The following ZP3 variants were observed in gnomAD, a reference collection of about 807,000 sequenced individuals.
ZP3 encodes the protein zona pellucida sperm-binding protein 3.
ZP3 carries 21 observed loss-of-function variants against 35.6 expected under a neutral mutation model. That is an observed-to-expected ratio of 0.59 (90% confidence interval 0.42 to 0.85). The LOEUF (loss-of-function observed/expected upper bound fraction) is 0.85. Ranked by LOEUF, ZP3 falls within the 40% of genes least tolerant of loss-of-function variation. The probability of loss-of-function intolerance (pLI) is 0.00; values close to 1 mark genes in which losing one functional copy is unlikely to be tolerated. For synonymous variants in ZP3, 207 were observed against 214.5 expected (o/e 0.96, Z 0.31); for missense variants, 437 against 536.5 (o/e 0.81, Z 1.83).
intron 1 of ZP3, among the ~76,000 whole-genome samples, chr7:76,419,237 G>A (rs1379736680): frequency 1.3e-5 from 2 of 152,116 alleles, no homozygotes; most frequent in African/African-American, 2.4e-5. Context: ...TTTTTGGAGG[G>A]TAGGGTCTTA....
intron 1 of ZP3, among the ~76,000 whole-genome samples, chr7:76,414,071 G>A (rs1446024816): frequency 6.8e-6 from 1 of 148,060 alleles, no homozygotes; most frequent in African/African-American, 2.5e-5. Flanking sequence ...ATCTCAGCTC[G>A]CTGCAACCTC....
At chr7:76,435,243 C>G (rs1215014401) in intron 5 of ZP3, among the ~76,000 whole-genome samples, 1 of 152,264 alleles carries the variant, frequency 6.6e-6, no homozygotes, top group African/African-American at 2.4e-5. Context: ...ACTCCAGGTT[C>G]CCAGGTGCAA....
chr7:76,400,663 CT>C (rs1473977409), intron 1 of ZP3: 18 of 1,369,902 alleles, frequency 1.3e-5, no homozygotes, highest in Non-Finnish European at 1.9e-6. Context: ...CCAGGATGTC[CT>C]TTTATTTTAT....
intron 5 of ZP3, among the ~76,000 whole-genome samples, chr7:76,437,724 C>T (rs1329855223): frequency 3.3e-5 from 5 of 149,862 alleles, no homozygotes; most frequent in Non-Finnish European, 7.4e-5. Context: ...GTCTCAAACT[C>T]CTGACCTCAG....
Position 76,430,240 on chromosome 7 carries a change from C to T in ZP3, c.431+607C>T, listed in dbSNP as rs1306642882. On this transcript the variant is annotated intron_variant, in intron 2 of 7. Transcript: ENST00000394857. ...ATAATAATAAAATAGTGCTAGGCTG[C>T]GTTCTAGAATCTGACCTGGGCGGTG... Among the ~76,000 whole-genome samples the T allele has an allele frequency of 2.6e-5, 4 of 152,206 alleles. No homozygotes were observed. The South Asian group carries it at 6.2e-4, about 24-fold the overall frequency.
chr7:76,426,782 C>A (rs967675849), intron 1 of ZP3, among the ~76,000 whole-genome samples: 1 of 151,636 alleles, frequency 6.6e-6, no homozygotes, highest in Non-Finnish European at 1.5e-5. Context: ...ATAATCCCAG[C>A]ACTTTGGGAG....
At chr7:76,430,909 A>G (rs1217207510) in intron 2 of ZP3, among the ~76,000 whole-genome samples, 1 of 152,160 alleles carries the variant, frequency 6.6e-6, no homozygotes, top group Non-Finnish European at 1.5e-5. Context: ...CACACACCCA[A>G]CGGGAGGGTA....
chr7:76,434,805 C>T (rs1247283370), intron 5 of ZP3, among the ~76,000 whole-genome samples: 2 of 149,978 alleles, frequency 1.3e-5, no homozygotes, highest in African/African-American at 4.9e-5. Context: ...AAATTGATGA[C>T]TGGGCCCCAA....
chr7:76,441,710 C>G, intron 7 of ZP3, 132 bp from the exon 8 acceptor site: 1 of 1,240,594 alleles, frequency 8.1e-7, no homozygotes, highest in South Asian at 1.3e-5. Flanking sequence ...TTTTTTTTGT[C>G]TAGAAACTGT....
At chr7:76,433,791 C>G in intron 4 of ZP3, 144 bp downstream of exon 4, 2 of 1,081,996 alleles carry the variant, frequency 1.8e-6, no homozygotes, top group Non-Finnish European at 1.3e-6. Context: ...CTCTGCCTCC[C>G]AGGTTTAAGT....
At chr7:76,398,462 G>A (rs1240722105) in intron 1 of ZP3, among the ~76,000 whole-genome samples, 3 of 151,858 alleles carry the variant, frequency 2.0e-5, no homozygotes, top group Non-Finnish European at 4.4e-5. Flanking sequence ...ATGCCACCAC[G>A]CCTGGCTAAT....
intron 1 of ZP3, among the ~76,000 whole-genome samples, chr7:76,428,133 C>T (rs1223988848): frequency 6.7e-6 from 1 of 149,780 alleles, no homozygotes; most frequent in Non-Finnish European, 1.5e-5. Context: ...CGAGACCAGC[C>T]TGGCTAACAT....
intron 1 of ZP3, chr7:76,400,356 G>C (rs79960636): frequency 5.1e-6 from 8 of 1,558,854 alleles, no homozygotes; most frequent in Non-Finnish European, 5.2e-6. Flanking sequence ...TGCCGCACTC[G>C]CTCAGCGCAG....
At chr7:76,401,105 G>A (rs1278363590) in intron 1 of ZP3, 2 of 1,481,702 alleles carry the variant, frequency 1.3e-6, no homozygotes, top group East Asian at 5.2e-5. Flanking sequence ...CTGGTCCCAG[G>A]AACACACCCC....
chr7:76,420,330 C>T (rs962995830), upstream of ZP3, among the ~76,000 whole-genome samples: 3 of 152,090 alleles, frequency 2.0e-5, no homozygotes, highest in African/African-American at 7.2e-5. Flanking sequence ...ACCAGATGTT[C>T]TTTTTCTGCA....
intron 1 of ZP3, among the ~76,000 whole-genome samples, chr7:76,412,371 T>G (rs1805270051): frequency 6.6e-6 from 1 of 152,086 alleles, no homozygotes; most frequent in African/African-American, 2.4e-5. Context: ...AAAAACAGAT[T>G]AGTAATGTTT....
At chr7:76,401,841 G>T (rs1471179920) in intron 1 of ZP3, among the ~76,000 whole-genome samples, 2 of 152,074 alleles carry the variant, frequency 1.3e-5, no homozygotes, top group Non-Finnish European at 2.9e-5. Flanking sequence ...CCTCTTTCAG[G>T]GCCTTCTCTG....
At chr7:76,419,948 C>T (rs371169955) in intron 1 of ZP3, among the ~76,000 whole-genome samples, 18 of 151,810 alleles carry the variant, frequency 1.2e-4, no homozygotes, top group South Asian at 4.2e-4. Context: ...ATTACAGGCG[C>T]GCGACACCAC....
At chr7:76,424,636 CAA>C (rs1176210451), upstream of ZP3, among the ~76,000 whole-genome samples, 1 of 151,604 alleles carries the variant, frequency 6.6e-6, no homozygotes, top group Non-Finnish European at 1.5e-5. Context: ...GACTCTGTCT[CAA>C]AACAAAACAA....
Sources: gnomAD v4.1 joint callset for allele counts (sites outside exome capture counted in the v4.1 genomes callset) on GRCh38, gnomAD v4.1.1 for gene constraint, MANE v1.5 for transcripts, NCBI Gene and HGNC (gene_info 2026-07-23, HGNC 2026-07-21) for gene names.